Variants in EXOC2 observed in about 807,000 individuals in gnomAD.
EXOC2 encodes the protein SEC5-like 1.
In EXOC2, 70 loss-of-function variants were observed where a neutral mutation model predicts 131.8. The observed-to-expected ratio is 0.53, with a 90% CI of 0.44 to 0.65. The LOEUF (loss-of-function observed/expected upper bound fraction) is 0.65. Ranked by LOEUF, EXOC2 falls within the 30% of genes least tolerant of loss-of-function variation. The pLI is 0.00. For missense variants in EXOC2, 923 were observed against 1,108.6 expected, an observed-to-expected ratio of 0.83 and a Z score of 2.38; for synonymous variants, 411 against 398.4, an observed-to-expected ratio of 1.03 and a Z score of -0.38.
intron 23 of EXOC2, among the ~76,000 whole-genome samples, chr6:503,543 C>G (rs1006950086): frequency 6.6e-6 from 1 of 152,216 alleles, no homozygotes; most frequent in East Asian, 1.9e-4. Context: ...CAAAATCTCT[C>G]TTGTAACTGC....
At chr6:558,771 C>T (rs1186454095) in intron 17 of EXOC2, among the ~76,000 whole-genome samples, 1 of 151,984 alleles carries the variant, frequency 6.6e-6, no homozygotes, top group East Asian at 1.9e-4. Context: ...CGAGATCATG[C>T]CACTGCACTC....
chr6:557,341 C>T (rs545992252), intron 17 of EXOC2, among the ~76,000 whole-genome samples: 9 of 152,148 alleles, frequency 5.9e-5, no homozygotes, highest in South Asian at 2.1e-4. Context: ...AGAATTTGGC[C>T]GGGCGCAGTG....
intron 7 of EXOC2, among the ~76,000 whole-genome samples, chr6:599,851 TAA>T (rs1407436559): frequency 7.0e-6 from 1 of 143,678 alleles, no homozygotes; most frequent in African/African-American, 2.8e-5. Flanking sequence ...GCACATTTCC[TAA>T]GTTTTTTTTT....
At chr6:587,399 C>T (rs1022894358) in intron 11 of EXOC2, among the ~76,000 whole-genome samples, 1 of 152,114 alleles carries the variant, frequency 6.6e-6, no homozygotes, top group African/African-American at 2.4e-5. Context: ...CAAATGCCAC[C>T]ATGTCCGGCT....
At chr6:557,805 C>T (rs547363167) in intron 17 of EXOC2, among the ~76,000 whole-genome samples, 10 of 152,148 alleles carry the variant, frequency 6.6e-5, no homozygotes, top group African/African-American at 2.4e-4. Flanking sequence ...CAGAGGACGA[C>T]AGTGTACCCA....
chr6:486,796 G>T, intron 27 of EXOC2, 32 bp from the exon 28 acceptor site: 6 of 1,570,150 alleles, frequency 3.8e-6, no homozygotes, highest in Non-Finnish European at 4.4e-6. Flanking sequence ...TTTACAGCCC[G>T]ACAGATGGGG....
At chr6:487,117 A>G (rs950943739) in intron 27 of EXOC2, among the ~76,000 whole-genome samples, 7 of 152,172 alleles carry the variant, frequency 4.6e-5, no homozygotes, top group African/African-American at 1.7e-4. Flanking sequence ...AGATGGTTCT[A>G]TGAACGCTGG....
At chr6:609,901 T>A (rs1204364114) in intron 7 of EXOC2, among the ~76,000 whole-genome samples, 197 bp downstream of exon 7, 1 of 152,202 alleles carries the variant, frequency 6.6e-6, no homozygotes, top group Non-Finnish European at 1.5e-5. Flanking sequence ...TGATTTCTCA[T>A]AAATAAAATG....
intron 1 of EXOC2, among the ~76,000 whole-genome samples, chr6:687,213 G>A (rs142778099): frequency 9.2e-6 from 1 of 108,132 alleles, no homozygotes; most frequent in East Asian, 3.3e-4. Context: ...GTCTCACTCA[G>A]TCACCCAGGC....
intron 1 of EXOC2, among the ~76,000 whole-genome samples, chr6:641,169 A>G (rs1411559265): frequency 6.6e-6 from 1 of 152,158 alleles, no homozygotes; most frequent in Non-Finnish European, 1.5e-5. Flanking sequence ...TTTCTCTCAC[A>G]TAATGGGAGG....
At chr6:622,136 G>A (rs549205490) in intron 4 of EXOC2, among the ~76,000 whole-genome samples, 71 of 152,334 alleles carry the variant, frequency 4.7e-4, no homozygotes, top group African/African-American at 1.7e-3. Context: ...GCGTGTCATC[G>A]CGGGCAGAAG....
chr6:680,319 CAAT>C (rs1764344203), intron 1 of EXOC2, among the ~76,000 whole-genome samples: 1 of 152,104 alleles, frequency 6.6e-6, no homozygotes, highest in African/African-American at 2.4e-5. Flanking sequence ...AGGACCCAAT[CAAT>C]GTTTCCATTT....
At chr6:621,517 G>A (rs1006731486) in intron 4 of EXOC2, among the ~76,000 whole-genome samples, 19 of 152,176 alleles carry the variant, frequency 1.2e-4, no homozygotes, top group Admixed American at 3.9e-4. Context: ...AGGACAGGGC[G>A]TCCCATTCAC....
At chr6:645,858 G>C (rs960344548) in intron 1 of EXOC2, among the ~76,000 whole-genome samples, 27 of 152,188 alleles carry the variant, frequency 1.8e-4, no homozygotes, top group Non-Finnish European at 8.8e-5. Context: ...GGCAGGGCAA[G>C]GACAAGGTAA....
intron 1 of EXOC2, among the ~76,000 whole-genome samples, chr6:647,283 A>G (rs1331668046): frequency 1.3e-5 from 2 of 152,070 alleles, no homozygotes; most frequent in Non-Finnish European, 2.9e-5. Flanking sequence ...GTAGTATTAA[A>G]ACTTAATGAA....
At chr6:560,741 C>T (rs551252838) in intron 17 of EXOC2, among the ~76,000 whole-genome samples, 38 of 150,332 alleles carry the variant, frequency 2.5e-4, no homozygotes, top group African/African-American at 8.3e-4. Flanking sequence ...GAGTTTTGCT[C>T]TTGTTGCCCA....
chr6:562,770 G>T lies in EXOC2; in HGVS notation c.1851+14C>A. On this transcript the variant is annotated intron_variant, in intron 17 of 27. Transcript: ENST00000230449. ...CACACTAATGACTAATAATTGAAAA[G>T]AACTTAAACTTACTAGAGAAGTCAG... 1.9e-5 allele frequency: 29 copies of T among 1,560,824 alleles called. No individual in the cohort carries two copies. The highest frequency in any genetic ancestry group is 2.3e-5 in the Non-Finnish European group (26 of 1,151,658).
intron 1 of EXOC2, among the ~76,000 whole-genome samples, chr6:658,091 A>C (rs922581171): frequency 3.9e-5 from 6 of 152,064 alleles, no homozygotes; most frequent in African/African-American, 1.5e-4. Flanking sequence ...TGTTTGACTC[A>C]GTTGAAATCT....
chr6:652,623 T>C (rs1339386020), intron 1 of EXOC2, among the ~76,000 whole-genome samples: 1 of 152,200 alleles, frequency 6.6e-6, no homozygotes, highest in Non-Finnish European at 1.5e-5. Context: ...CATCCTTTTA[T>C]AACCTCTCTT....
Sources: gnomAD v4.1 joint callset for allele counts (sites outside exome capture counted in the v4.1 genomes callset) on GRCh38, gnomAD v4.1.1 for gene constraint, MANE v1.5 for transcripts, NCBI Gene and HGNC (gene_info 2026-07-23, HGNC 2026-07-21) for gene names.